The following TMEM130 variants were observed in gnomAD, a reference collection of about 807,000 sequenced individuals.
TMEM130 encodes the protein transmembrane protein 130.
In TMEM130, 37 loss-of-function variants were observed where a neutral mutation model predicts 42.9. The ratio of observed to expected loss-of-function variants is 0.86; its 90% CI spans 0.66 to 1.13. The LOEUF (loss-of-function observed/expected upper bound fraction) is 1.13, where lower values mean the gene tolerates loss of function less well. Ranked by LOEUF, TMEM130 falls within the 50% of genes most tolerant of loss-of-function variation. The pLI, the probability that TMEM130 is intolerant of heterozygous loss-of-function variation, is 0.00. For missense variants in TMEM130, 545 were observed against 562.6 expected (o/e 0.97, Z 0.32); for synonymous variants, 259 against 237.7 (o/e 1.09, Z -0.82).
chr7:98,869,912 C>T lies in TMEM130; in HGVS notation c.-51G>A, dbSNP rs782261090. 2.8e-4 allele frequency: 346 copies of T among 1,247,880 alleles called. No individual in the cohort carries two copies. Among genetic ancestry groups the T allele is most frequent in the Non-Finnish European group, 3.2e-4 (313 of 979,934 alleles). The allele number at this position is 1,247,880 out of a possible 1,614,324, so 77.3% of individuals were successfully genotyped here. On this transcript the variant is annotated 5_prime_UTR_variant, in exon 1 of 8. Coordinates refer to ENST00000339375, the MANE Select transcript of TMEM130 (RefSeq NM_152913.3). The surrounding 1 kb of genome is among the most constrained non-coding windows in gnomAD (Gnocchi z 4.7). The stretch of plus-strand genomic sequence containing the variant: ...TGGGGCGGACGCGGAGGGAATGCAG[C>T]TGGAGCTCGAGAACTGCGGCGGTCG...
At chr7:98,863,708 C>G (rs782013666) in intron 1 of TMEM130, among the ~76,000 whole-genome samples, 7 of 143,132 alleles carry the variant, frequency 4.9e-5, no homozygotes, top group Non-Finnish European at 1.1e-4. Flanking sequence ...TTCTTTTCTT[C>G]CTTCCTTTCT....
At chr7:98,855,980 G>T in intron 4 of TMEM130, 37 bp downstream of exon 4, 1 of 1,602,856 alleles carries the variant, frequency 6.2e-7, no homozygotes, top group African/African-American at 1.3e-5. Context: ...CCCCACTCTG[G>T]AACGCCCAGA....
intron 2 of TMEM130, among the ~76,000 whole-genome samples, chr7:98,862,266 T>C (rs745964723): frequency 1.4e-5 from 2 of 147,818 alleles, no homozygotes; most frequent in Non-Finnish European, 3.0e-5. Context: ...GAGACAGAGA[T>C]AAAGAGACAG....
rs12673396 is a variant in TMEM130, at chr7:98,847,506, G to C, written c.*550C>G. The C allele has an allele frequency of 0.15, 24 of 160 alleles. 4 individuals carry two copies. The highest frequency in any genetic ancestry group is 0.28 in the Non-Finnish European group (10 of 36). The allele number at this position is 160 out of a possible 1,614,324, so 0.0% of individuals were successfully genotyped here. A position where few individuals can be genotyped will look rare whatever the true frequency, so the allele number is the denominator to read the frequency against. Reference sequence around the variant, plus strand: ...ATGTGACGCATGTGTTTATATTTCTGTGTGTGTGTGTGTGTGTGTGTGTGT... The same window carrying C: ...ATGTGACGCATGTGTTTATATTTCTCTGTGTGTGTGTGTGTGTGTGTGTGT... On this transcript the variant is annotated 3_prime_UTR_variant, in exon 8 of 8. Transcript: ENST00000339375.
chr7:98,850,269 A>ATTT lies in TMEM130; in HGVS notation c.1006+1151_1006+1152insAAA, dbSNP rs1244635646. 2.3e-3 allele frequency among the ~76,000 whole-genome samples: 69 copies of ATTT among 30,154 alleles called. 1 individual carries two copies. The highest frequency in any genetic ancestry group is 3.5e-3 in the African/African-American group (36 of 10,370). The allele number at this position is 30,154 out of a possible 152,430, so 19.8% of individuals were successfully genotyped here. ...CTCTCTCATATATATATATATATAT[A>ATTT]TATATTTTTTTTTTTTTTTAATTTT... On this transcript the variant is annotated intron_variant, in intron 6 of 7. Transcript: ENST00000339375.
intron 1 of TMEM130, among the ~76,000 whole-genome samples, chr7:98,863,712 CCTTT>C (rs1341111423): frequency 1.1e-4 from 16 of 145,496 alleles, no homozygotes; most frequent in Admixed American, 2.1e-4. Context: ...TTTCTTCCTT[CCTTT>C]CTTTTTCTTT....
At chr7:98,862,266 T>G (rs745964723) in intron 2 of TMEM130, among the ~76,000 whole-genome samples, 1 of 147,816 alleles carries the variant, frequency 6.8e-6, no homozygotes, top group Admixed American at 6.9e-5. Context: ...GAGACAGAGA[T>G]AAAGAGACAG....
chr7:98,848,508 G>T, intron 7 of TMEM130, 75 bp downstream of exon 7: 1 of 1,101,224 alleles, frequency 9.1e-7, no homozygotes, highest in Non-Finnish European at 1.4e-6. Context: ...ATCCTGGCCT[G>T]GCCCCCATAC....
At position 98,848,005 on chromosome 7, in the gene TMEM130, C is replaced by T. The variant is rs1416661453; in HGVS notation, c.*51G>A. On this transcript the variant is annotated 3_prime_UTR_variant, in exon 8 of 8. Transcript: ENST00000339375. ...GTGGTGCACACCACCCTGCTGGAAA[C>T]TCCAAGTCAGCAGTCAGTTAACACT... 15 of 1,566,116 alleles carry T rather than the reference C, an allele frequency of 9.6e-6. No homozygotes were observed. The highest frequency in any genetic ancestry group is 3.5e-5 in the Admixed American group (2 of 57,478).
At position 98,856,077 on chromosome 7, in the gene TMEM130, C is replaced by A. The variant is rs782686565; in HGVS notation, c.658G>T (p.Asp220Tyr). The A allele has an allele frequency of 1.2e-6, 2 of 1,613,898 alleles. No homozygotes were observed. Among genetic ancestry groups the A allele is most frequent in the Non-Finnish European group, 1.7e-6 (2 of 1,180,030 alleles). ...TTCTGCTTCACAGCCCTCGTGGCAT[C>A]CGGCTCCACCTCTTCCCACTCCGCC... is the stretch of plus-strand genomic sequence containing the variant. ...VVAEWEEVEP[D>Y]ATRAVKQKTG... Residue 220 changes from aspartate to tyrosine, a missense_variant, in exon 4 of 8, where the codon GAT becomes TAT. By Grantham distance (160) the Asp-to-Tyr change is radical (BLOSUM62 -3). Transcript: ENST00000339375.
chr7:98,854,249 TA>T (rs1794577238), intron 5 of TMEM130, among the ~76,000 whole-genome samples: 1 of 151,922 alleles, frequency 6.6e-6, no homozygotes, highest in African/African-American at 2.4e-5. Context: ...CTTAGAAGAA[TA>T]AGAAACATCT....
intron 3 of TMEM130, among the ~76,000 whole-genome samples, chr7:98,856,659 G>A (rs1794641986): frequency 6.6e-6 from 1 of 152,016 alleles, no homozygotes; most frequent in Admixed American, 6.6e-5. Flanking sequence ...CACTGTGCCA[G>A]GCTAATACAT....
At chr7:98,854,767 G>A (rs1448031216) in intron 5 of TMEM130, among the ~76,000 whole-genome samples, 1 of 152,026 alleles carries the variant, frequency 6.6e-6, no homozygotes, top group Non-Finnish European at 1.5e-5. Context: ...CAGACGCAGT[G>A]GCTCACACCT....
intron 3 of TMEM130, among the ~76,000 whole-genome samples, chr7:98,857,383 G>C (rs1284631412): frequency 1.3e-5 from 2 of 152,068 alleles, no homozygotes; most frequent in Non-Finnish European, 2.9e-5. Context: ...GGTCACTTTT[G>C]TCACCAAGAG....
At position 98,855,241 on chromosome 7, in the gene TMEM130, T is replaced by C; in HGVS notation, c.802A>G (p.Ser268Gly). 6.2e-7 allele frequency: 1 copy of C among 1,612,866 alleles called. No individual in the cohort carries two copies. The highest frequency in any genetic ancestry group is 2.2e-5 in the East Asian group (1 of 44,812). Reference protein sequence around the residue: ...KMTVTLNFLGSPPLTVCWRLK... With the variant: ...KMTVTLNFLGGPPLTVCWRLK... ...CAGTGCGCTCTGGAGCTCACTTACC[T>C]CCCCAGGAAGTTCAAGGTCACGGTC... Residue 268 changes from serine (S) to glycine (G), a missense_variant and splice_region_variant, in exon 5 of 8, where the codon AGC becomes GGC. By Grantham distance (56) the Ser-to-Gly change is moderately conservative (BLOSUM62 0). Transcript: ENST00000339375.
Position 98,869,782 on chromosome 7 carries a change from G to C in TMEM130, c.80C>G (p.Ala27Gly). ...CGGATTGCCCAGCGCCTTACCTGCG[G>C]CCACCCCTGCCGGGGCCCAGGGCAG... ...CLLPWAPAGV[A>G]AGLYELNLTT... Residue 27 changes from alanine (A) to glycine (G), a missense_variant, in exon 1 of 8, where the codon GCC (alanine) becomes GGC (glycine). By Grantham distance (60) the Ala-to-Gly change is moderately conservative. Transcript: ENST00000339375. This position sits in a 1 kb window ranked among gnomAD's most constrained non-coding sequence, Gnocchi z 4.7. 1.4e-6 allele frequency: 2 copies of C among 1,413,218 alleles called. No individual in the cohort carries two copies. The highest frequency in any genetic ancestry group is 1.8e-6 in the Non-Finnish European group (2 of 1,085,766). 87.5% of individuals were successfully genotyped at this position (1,413,218 alleles called of 1,614,324 possible).
chr7:98,851,447 T>C lies in TMEM130; in HGVS notation c.980A>G (p.Tyr327Cys), dbSNP rs782196633. Residue 327 changes from tyrosine (Y) to cysteine (C), a missense_variant, in exon 6 of 8, where the codon TAC (tyrosine) becomes TGC (cysteine). Transcript: ENST00000339375. ...GGAGGGCCACACCTGGATCTTGTGG[T>C]ACTGATGTGTCTTGCTGATGATATT... ...AENIISKTHQ[Y>C]HKIQVWPSRI... 8 of 1,613,974 alleles carry C rather than the reference T, an allele frequency of 5.0e-6. No individual in the cohort carries two copies. The East Asian group carries it at 1.6e-4, about 31-fold the overall frequency.
At chr7:98,852,024 G>A (rs905896893) in intron 5 of TMEM130, among the ~76,000 whole-genome samples, 2 of 152,166 alleles carry the variant, frequency 1.3e-5, no homozygotes, top group Admixed American at 1.3e-4. Flanking sequence ...ATAGCTCACT[G>A]CAGCCTCCAG....
At chr7:98,853,298 C>T (rs1435519302) in intron 5 of TMEM130, among the ~76,000 whole-genome samples, 1 of 152,158 alleles carries the variant, frequency 6.6e-6, no homozygotes, top group Non-Finnish European at 1.5e-5. Flanking sequence ...TCTGGCCTAG[C>T]ATCCCTCTCA....
Sources: gnomAD v4.1 joint callset for allele counts (sites outside exome capture counted in the v4.1 genomes callset) on GRCh38, gnomAD v4.1.1 for gene constraint, Gnocchi (gnomAD v3.1) non-coding constraint, MANE v1.5 for transcripts, NCBI Gene and HGNC (gene_info 2026-07-23, HGNC 2026-07-21) for gene names.